PRDM16: variants seen among roughly 807,000 people sequenced by gnomAD.
PRDM16 encodes the protein histone-lysine N-methyltransferase PRDM16.
In PRDM16, 23 loss-of-function variants were observed where a neutral mutation model predicts 110.6. That is an observed-to-expected ratio of 0.21 (90% CI 0.15 to 0.29). The LOEUF (loss-of-function observed/expected upper bound fraction) is 0.29. Ranked by LOEUF, PRDM16 falls within the 10% of genes least tolerant of loss-of-function variation. The probability of loss-of-function intolerance (pLI) is 1.00; values close to 1 mark genes in which losing one functional copy is unlikely to be tolerated. For missense variants in PRDM16, 1,615 were observed against 1,794.3 expected, an observed-to-expected ratio of 0.90 and a Z score of 1.81; for synonymous variants, 799 against 781.8, an observed-to-expected ratio of 1.02 and a Z score of -0.37.
intron 1 of PRDM16, among the ~76,000 whole-genome samples, chr1:3,110,512 G>T (rs1439753510): frequency 6.8e-6 from 1 of 146,000 alleles, no homozygotes; most frequent in Non-Finnish European, 1.5e-5. Flanking sequence ...CCATGTCCTG[G>T]GTGTGCAGAC....
At chr1:3,248,400 C>G (rs1190442249) in intron 3 of PRDM16, among the ~76,000 whole-genome samples, 3 of 152,180 alleles carry the variant, frequency 2.0e-5, no homozygotes, top group African/African-American at 7.2e-5. Context: ...GTGACCTTTT[C>G]TCTTATTTTT....
intron 1 of PRDM16, among the ~76,000 whole-genome samples, chr1:3,147,621 G>C (rs1008758820): frequency 1.3e-5 from 2 of 152,134 alleles, no homozygotes; most frequent in African/African-American, 4.8e-5. Flanking sequence ...TGGACTCTTT[G>C]GGGAGGCCAA....
intron 1 of PRDM16, among the ~76,000 whole-genome samples, chr1:3,152,161 A>G (rs1643785986): frequency 6.6e-6 from 1 of 152,176 alleles, no homozygotes; most frequent in African/African-American, 2.4e-5. Flanking sequence ...ATCTTGCCAT[A>G]GCTGCTGCTG....
chr1:3,192,714 G>T (rs956176935), intron 2 of PRDM16, among the ~76,000 whole-genome samples: 1 of 152,112 alleles, frequency 6.6e-6, no homozygotes, highest in African/African-American at 2.4e-5. Flanking sequence ...GCCCAGGAGG[G>T]ATTGTCGAGG....
At chr1:3,399,118 TTC>T (rs1370063780) in intron 5 of PRDM16, among the ~76,000 whole-genome samples, 2 of 152,256 alleles carry the variant, frequency 1.3e-5, no homozygotes, top group Non-Finnish European at 2.9e-5. Flanking sequence ...GAGGAAAGAA[TTC>T]TCTTTCGTGA....
intron 3 of PRDM16, among the ~76,000 whole-genome samples, chr1:3,299,249 A>C (rs111670778): frequency 1.2e-4 from 17 of 141,554 alleles, no homozygotes; most frequent in African/African-American, 1.8e-4. Flanking sequence ...GTGATGTTTC[A>C]GATCCCAGTC....
At chr1:3,135,022 T>C (rs527822695) in intron 1 of PRDM16, among the ~76,000 whole-genome samples, 1 of 152,302 alleles carries the variant, frequency 6.6e-6, no homozygotes, top group South Asian at 2.1e-4. Context: ...GTCCGCGTGC[T>C]GCTGCCCCCG....
chr1:3,192,573 G>A (rs1011029017), intron 2 of PRDM16, among the ~76,000 whole-genome samples: 4 of 152,156 alleles, frequency 2.6e-5, no homozygotes, highest in Non-Finnish European at 5.9e-5. Flanking sequence ...GGCAGTGGGC[G>A]GGGCTTGGTG....
At chr1:3,355,263 G>A (rs975437021) in intron 3 of PRDM16, among the ~76,000 whole-genome samples, 4 of 152,148 alleles carry the variant, frequency 2.6e-5, no homozygotes, top group Non-Finnish European at 5.9e-5. Flanking sequence ...GTACAGAGTG[G>A]AGGCCTCCGG....
At chr1:3,397,029 C>T (rs1360273272) in intron 5 of PRDM16, among the ~76,000 whole-genome samples, 1 of 152,166 alleles carries the variant, frequency 6.6e-6, no homozygotes, top group African/African-American at 2.4e-5. Flanking sequence ...AACACCAAGC[C>T]AGTTTTGTAG....
chr1:3,367,624 G>A lies in PRDM16; in HGVS notation c.439-17528G>A, dbSNP rs1642839543. Reference sequence around the variant, plus strand: ...TGTCCAAAAACACGTGCGGTCCTGTGGTTCCCTAGGTTCACAAGGAGAACT... The same window carrying A: ...TGTCCAAAAACACGTGCGGTCCTGTAGTTCCCTAGGTTCACAAGGAGAACT... On this transcript the variant is annotated intron_variant, in intron 3 of 16. Coordinates refer to ENST00000270722, the MANE Select transcript of PRDM16 (RefSeq NM_022114.4). Among the ~76,000 whole-genome samples the A allele has an allele frequency of 2.0e-5, 3 of 152,174 alleles. No individual in the cohort carries two copies. The South Asian group carries it at 6.2e-4, about 32-fold the overall frequency.
At chr1:3,132,445 G>A (rs1470450973) in intron 1 of PRDM16, among the ~76,000 whole-genome samples, 3 of 152,184 alleles carry the variant, frequency 2.0e-5, no homozygotes, top group African/African-American at 7.2e-5. Context: ...CTTCTAGAGG[G>A]GCACACATGG....
chr1:3,429,886 G>C (rs1445214221), intron 14 of PRDM16, among the ~76,000 whole-genome samples: 1 of 152,200 alleles, frequency 6.6e-6, no homozygotes, highest in Non-Finnish European at 1.5e-5. Flanking sequence ...GCCGTGAGAC[G>C]CTGTCACTTT....
chr1:3,299,128 G>A (rs903077695), intron 3 of PRDM16, among the ~76,000 whole-genome samples: 3 of 151,718 alleles, frequency 2.0e-5, no homozygotes, highest in African/African-American at 4.9e-5. Flanking sequence ...TGATGTTTCC[G>A]ATCCCAGTCG....
At chr1:3,304,283 CA>C (rs1641264868) in intron 3 of PRDM16, among the ~76,000 whole-genome samples, 1 of 152,164 alleles carries the variant, frequency 6.6e-6, no homozygotes, top group Non-Finnish European at 1.5e-5. Context: ...GGGACAGTGA[CA>C]CAGGACCCCA....
Position 3,425,888 on chromosome 1 carries a change from C to A in PRDM16, c.3109+138C>A, listed in dbSNP as rs1473680479. On this transcript the variant is annotated intron_variant, in intron 13 of 16. Transcript: ENST00000270722. The surrounding 1 kb of genome is among the most constrained non-coding windows in gnomAD (Gnocchi z 6.9). ...TACCCCTCAGGAAGCCAACAGGCAC[C>A]CCTCAAACCGTGGTCATTAAAGAGA... is the stretch of plus-strand genomic sequence containing the variant. The A allele has an allele frequency of 5.5e-6, 7 of 1,272,626 alleles. No individual in the cohort carries two copies. The African/African-American group carries it at 1.0e-4, about 19-fold the overall frequency. 78.8% of individuals were successfully genotyped at this position (1,272,626 alleles called of 1,614,324 possible). A position where few individuals can be genotyped will look rare whatever the true frequency, so the allele number is the denominator to read the frequency against.
chr1:3,411,127 AC>A (rs1164150791), intron 8 of PRDM16, among the ~76,000 whole-genome samples: 3 of 151,836 alleles, frequency 2.0e-5, no homozygotes, highest in Non-Finnish European at 4.4e-5. Context: ...GAATACACAC[AC>A]GCCTGCCCAG....
At chr1:3,308,861 C>T (rs1641373467) in intron 3 of PRDM16, 1 of 152,222 alleles carries the variant, frequency 6.6e-6, no homozygotes, top group Non-Finnish European at 1.5e-5. Context: ...TGATAGTGGT[C>T]CCCGGGTAAT....
chr1:3,269,585 GAC>G (rs1640381572), intron 3 of PRDM16, among the ~76,000 whole-genome samples: 1 of 149,020 alleles, frequency 6.7e-6, no homozygotes, highest in Non-Finnish European at 1.5e-5. Context: ...CCCGGAGGAG[GAC>G]AGTCGGGAGG....
Sources: allele counts gnomAD v4.1 joint callset (sites outside exome capture counted in the v4.1 genomes callset), GRCh38; gene constraint gnomAD v4.1.1; non-coding constraint Gnocchi (gnomAD v3.1); transcripts MANE v1.5; gene names NCBI Gene and HGNC (gene_info 2026-07-23, HGNC 2026-07-21).